POLG: variants seen among roughly 807,000 people sequenced by gnomAD.
The protein encoded by POLG is DNA polymerase gamma, catalytic subunit.
In POLG, 110 loss-of-function variants were observed where a neutral mutation model predicts 155.4. The ratio of observed to expected loss-of-function variants is 0.71; its 90% confidence interval spans 0.61 to 0.83. The LOEUF is 0.83. Ranked by LOEUF, POLG falls within the 40% of genes least tolerant of loss-of-function variation. POLG has a pLI of 0.00. For missense variants in POLG, 1,685 were observed against 1,627.5 expected, an observed-to-expected ratio of 1.04 and a Z score of -0.61; for synonymous variants, 701 against 631.5, an observed-to-expected ratio of 1.11 and a Z score of -1.65.
chr15:89,318,408 T>G (rs2055338140), intron 21 of POLG, 133 bp downstream of exon 21: 3 of 693,180 alleles, frequency 4.3e-6, no homozygotes, highest in East Asian at 2.7e-5. Flanking sequence ...AAATTAGAAA[T>G]AAATAAATAA....
At chr15:89,330,535 G>T (rs891612014) in intron 2 of POLG, among the ~76,000 whole-genome samples, 1 of 152,144 alleles carries the variant, frequency 6.6e-6, no homozygotes, top group African/African-American at 2.4e-5. Flanking sequence ...TTAGACCTAC[G>T]TGCAGGTATT....
intron 13 of POLG, 151 bp from the exon 14 acceptor site, chr15:89,323,053 GCGCACGCACACACA>G: frequency 1.4e-6 from 1 of 725,066 alleles, no homozygotes; most frequent in Non-Finnish European, 2.3e-6. Flanking sequence ...GCGCGCACGC[GCGCACGCACACACA>G]CACGTGCACA....
chr15:89,321,217 G>C lies in POLG; in HGVS notation c.2642C>G (p.Pro881Arg). Reference sequence around the variant, plus strand: ...AGCACCCACAAGGGTGTAGCCAGGTGGGGCCTGCACCATGGCTTTCAACTC... The same window carrying C: ...AGCACCCACAAGGGTGTAGCCAGGTCGGGCCTGCACCATGGCTTTCAACTC... The part of the protein sequence containing the change: ...GSELKAMVQA[P>R]PGYTLVGADV... Residue 881 changes from proline (P) to arginine (R), a missense_variant, in exon 17 of 23, where the codon CCA becomes CGA. Physicochemically the swap from Pro to Arg is moderately radical, Grantham distance 103. Coordinates refer to ENST00000268124, the MANE Select transcript of POLG (RefSeq NM_002693.3). The C allele has an allele frequency of 6.2e-7, 1 of 1,614,148 alleles. No homozygotes were observed.
At chr15:89,330,895 G>A (rs2055585596) in intron 2 of POLG, among the ~76,000 whole-genome samples, 1 of 150,856 alleles carries the variant, frequency 6.6e-6, no homozygotes, top group East Asian at 2.0e-4. Flanking sequence ...GTATGTGTAT[G>A]TGACAGGGTT....
chr15:89,330,704 C>T (rs1266585696), intron 2 of POLG, among the ~76,000 whole-genome samples: 1 of 151,412 alleles, frequency 6.6e-6, no homozygotes, highest in Admixed American at 6.6e-5. Flanking sequence ...AATAACAGAA[C>T]CCAAGGTGGA....
rs191490663 is a variant in POLG, at chr15:89,322,799, C to T, written c.2369G>A (p.Arg790His). Residue 790 changes from arginine to histidine, a missense_variant, in exon 14 of 23, where the codon CGT (arginine) becomes CAT (histidine). Arg to His is a conservative substitution (Grantham distance 29). Around this residue, in one of 3 missense-constraint regions of POLG, gnomAD observed 1,210 missense variants for 1,167.1 expected, o/e 1.04. Transcript: ENST00000268124. ...AATCATTTTGTTGATTTCCAGAGCA[C>T]GGGGCCCACTGGCACCTCCTGGGCC... ...QAGPGGASGP[R>H]ALEINKMISF... 92 of 1,614,174 alleles carry T rather than the reference C, an allele frequency of 5.7e-5. 2 individuals are homozygous for T. The Admixed American group carries it at 6.3e-4, about 11-fold the overall frequency.
rs1596362738 is a variant in POLG, at chr15:89,333,623, C to T, written c.132G>A (p.Gln44=). 6.3e-7 allele frequency: 1 copy of T among 1,599,584 alleles called. No homozygotes were observed. ...GCTGCTGCTGCTGCTGCTGCTGCTG[C>T]TGCTGCCGCCGCCGCTGCCCGTCGC... ...DPSDGQRRRQ[Q]QQQQQQQQQQ... The change falls in exon 2 of 23, where the codon CAG becomes CAA. Residue 44 remains glutamine, a synonymous_variant. Coordinates refer to ENST00000268124, the MANE Select transcript of POLG (RefSeq NM_002693.3).
rs1467008671 is a variant in POLG, at chr15:89,320,746, G to C, written c.2981+20C>G. ...GCCTCGGGTCCTGGGTGTTAAAGTGGATGGGAGAGGGACCCTCACCAGCGG... is the reference window on the plus strand; with the variant it reads ...GCCTCGGGTCCTGGGTGTTAAAGTGCATGGGAGAGGGACCCTCACCAGCGG... On this transcript the variant is annotated intron_variant, in intron 18 of 22. Transcript: ENST00000268124. 6.2e-7 allele frequency: 1 copy of C among 1,611,720 alleles called. No individual in the cohort carries two copies. Among genetic ancestry groups the C allele is most frequent in the African/African-American group, 1.3e-5 (1 of 75,006 alleles).
At chr15:89,322,633 T>G (rs1173328136) in intron 14 of POLG, 109 bp downstream of exon 14, 12 of 1,246,748 alleles carry the variant, frequency 9.6e-6, no homozygotes, top group Non-Finnish European at 2.3e-6. Flanking sequence ...TAGCCAGGCC[T>G]CTAGACCATA....
Position 89,316,673 on chromosome 15 carries a change from A to G in POLG, c.*78T>C. ...AGGCAAGCCCTTTTGCAAAAAGCAC[A>G]GCTGAAAGCCTGAGTTTGGGAGCCT... is the stretch of plus-strand genomic sequence containing the variant. On this transcript the variant is annotated 3_prime_UTR_variant, in exon 23 of 23. Coordinates refer to ENST00000268124, the MANE Select transcript of POLG (RefSeq NM_002693.3). The G allele has an allele frequency of 7.6e-6, 10 of 1,318,140 alleles. No homozygotes were observed. The South Asian group carries it at 1.2e-4, about 16-fold the overall frequency. 81.7% of individuals were successfully genotyped at this position (1,318,140 alleles called of 1,614,324 possible).
intron 14 of POLG, among the ~76,000 whole-genome samples, chr15:89,322,272 C>G (rs541536412): frequency 6.6e-6 from 1 of 152,326 alleles, no homozygotes; most frequent in Admixed American, 6.5e-5. Context: ...ATCCATGAGG[C>G]GCTCCTTCCA....
rs555280530 is a variant in POLG, at chr15:89,321,863, T to G, written c.2481-10A>C. ...ATCATAGTCGGGGTGCCTGGTGGGG[T>G]GCAGGGGAAGGAAATGGGTCTTAGC... On this transcript the variant is annotated splice_polypyrimidine_tract_variant and intron_variant, in intron 15 of 22. Coordinates refer to ENST00000268124, the MANE Select transcript of POLG (RefSeq NM_002693.3). 264 of 1,611,798 alleles carry G rather than the reference T, an allele frequency of 1.6e-4. No homozygotes were observed. In the South Asian group the frequency reaches 2.8e-3, roughly 17 times the overall value.
At chr15:89,321,878 T>TG (rs2055401828) in intron 15 of POLG, 25 bp from the exon 16 acceptor site, 1 of 1,609,170 alleles carries the variant, frequency 6.2e-7, no homozygotes. Flanking sequence ...GGGAAGGAAA[T>TG]GGGTCTTAGC....
intron 21 of POLG, 99 bp downstream of exon 21, chr15:89,318,442 G>C (rs756772299): frequency 3.3e-6 from 3 of 908,820 alleles, no homozygotes; most frequent in Non-Finnish European, 5.4e-6. Context: ...CTTCTAGGGG[G>C]ATGAAAAGTC....
At chr15:89,326,560 A>C (rs2055520421) in intron 9 of POLG, 52 bp downstream of exon 9, 2 of 1,602,424 alleles carry the variant, frequency 1.2e-6, no homozygotes, top group East Asian at 2.2e-5. Flanking sequence ...CTGTCCTGAG[A>C]ATGGAGCAAG....
At chr15:89,323,092 GAC>G (rs1177924114) in intron 13 of POLG, among the ~76,000 whole-genome samples, 190 bp from the exon 14 acceptor site, 1 of 152,216 alleles carries the variant, frequency 6.6e-6, no homozygotes, top group Non-Finnish European at 1.5e-5. Flanking sequence ...TGCCCCCTAA[GAC>G]ACACAGACAC....
chr15:89,319,487 A>G (rs2055362879), intron 18 of POLG, 137 bp from the exon 19 acceptor site: 12 of 1,214,268 alleles, frequency 9.9e-6, no homozygotes, highest in Non-Finnish European at 1.4e-5. Flanking sequence ...GCTTTTATTC[A>G]GAGGAAGAAA....
chr15:89,316,906 ATG>A lies in POLG; in HGVS notation c.3644-81_3644-80del, dbSNP rs2055287088. On this transcript the variant is annotated intron_variant, in intron 22 of 22. Coordinates refer to ENST00000268124, the MANE Select transcript of POLG (RefSeq NM_002693.3). ...GCTCAGAAGTGAGCAAAGGAGCTTA[ATG>A]CTAAGGTCAAAAGGAGAGTGAAAGG... 36 of 1,010,280 alleles carry A rather than the reference ATG, an allele frequency of 3.6e-5. No individual in the cohort carries two copies. In the South Asian group the frequency reaches 4.5e-4, roughly 13 times the overall value. The allele number at this position is 1,010,280 out of a possible 1,614,324, so 62.6% of individuals were successfully genotyped here. A position where few individuals can be genotyped will look rare whatever the true frequency, so the allele number is the denominator to read the frequency against.
In POLG at chr15:89,325,641, G is replaced by C. The variant is rs75149168; in HGVS notation, c.1758C>G (p.Thr586=). ...GCAGGCTGAGGAGGCTGGGGCCCGG[G>C]GTCCATGCAGGGTCGTCTAGCCGGG... ...LCPRLDDPAW[T]PGPSLLSLQM... The change falls in exon 10 of 23, where the codon ACC becomes ACG. Residue 586 remains threonine, a synonymous_variant. Transcript: ENST00000268124. 1 of 1,612,414 alleles carries C rather than the reference G, an allele frequency of 6.2e-7. No homozygotes were observed. The highest frequency in any genetic ancestry group is 2.2e-5 in the East Asian group (1 of 44,882).
Sources: gnomAD v4.1 joint callset for allele counts (sites outside exome capture counted in the v4.1 genomes callset) on GRCh38, gnomAD v4.1.1 for gene constraint, gnomAD v4.1.1 regional missense constraint, MANE v1.5 for transcripts, NCBI Gene and HGNC (gene_info 2026-07-23, HGNC 2026-07-21) for gene names.